PATJ: variants seen among roughly 807,000 people sequenced by gnomAD.
PATJ encodes PATJ crumbs cell polarity complex component.
PATJ carries 190 observed loss-of-function variants against 224.9 expected under a neutral mutation model. That is an observed-to-expected ratio of 0.84 (90% CI 0.75 to 0.95). The LOEUF is 0.95. Among genes scored for constraint, PATJ ranks in the 40% least tolerant of loss-of-function variants. The pLI is 0.00. For synonymous variants in PATJ, 769 were observed against 820.3 expected (o/e 0.94, Z 1.07); for missense variants, 2,121 against 2,270.3 (o/e 0.93, Z 1.34).
chr1:62,113,027 GTA>G (rs1664039909), intron 34 of PATJ, among the ~76,000 whole-genome samples: 1 of 152,178 alleles, frequency 6.6e-6, no homozygotes, highest in African/African-American at 2.4e-5. Flanking sequence ...CAGAGAGTTA[GTA>G]TAAGGATTAA....
At chr1:62,074,265 A>G (rs1362125212) in intron 31 of PATJ, among the ~76,000 whole-genome samples, 4 of 151,732 alleles carry the variant, frequency 2.6e-5, no homozygotes, top group South Asian at 2.1e-4. Context: ...CTAAATGACA[A>G]GTTAATGGGT....
intron 9 of PATJ, 145 bp from the exon 10 acceptor site, chr1:61,795,322 C>A (rs1650846017): frequency 4.2e-6 from 2 of 479,302 alleles, no homozygotes; most frequent in Non-Finnish European, 7.5e-6. Flanking sequence ...TTGAAATAAT[C>A]CATCAATTTC....
intron 24 of PATJ, among the ~76,000 whole-genome samples, chr1:61,902,339 T>A (rs914147713): frequency 6.6e-6 from 1 of 151,964 alleles, no homozygotes; most frequent in African/African-American, 2.4e-5. Flanking sequence ...TGTAATCCCA[T>A]AATCTGCTTG....
At chr1:62,087,293 A>G (rs1389357693) in intron 33 of PATJ, among the ~76,000 whole-genome samples, 1 of 151,908 alleles carries the variant, frequency 6.6e-6, no homozygotes, top group Admixed American at 6.6e-5. Flanking sequence ...AAGTCCAGCC[A>G]TCCCTCTAAA....
chr1:61,948,321 A>G (rs984001741), intron 27 of PATJ, among the ~76,000 whole-genome samples: 5 of 152,216 alleles, frequency 3.3e-5, no homozygotes, highest in Non-Finnish European at 7.3e-5. Flanking sequence ...CCATCTGACA[A>G]AGGGCTAATA....
chr1:62,060,418 G>A (rs558895580), intron 31 of PATJ, among the ~76,000 whole-genome samples: 7 of 152,130 alleles, frequency 4.6e-5, no homozygotes, highest in African/African-American at 1.7e-4. Context: ...CCAGGCCAGA[G>A]TGTGGTGATG....
chr1:62,137,951 T>G (rs1029816917), intron 41 of PATJ, among the ~76,000 whole-genome samples: 8 of 152,004 alleles, frequency 5.3e-5, no homozygotes, highest in African/African-American at 1.9e-4. Context: ...GTTCACAGTC[T>G]CCTCTTCCTC....
chr1:61,823,008 A>T lies in PATJ; in HGVS notation c.1747A>T (p.Ile583Phe), dbSNP rs750053771. 8 of 1,613,958 alleles carry T rather than the reference A, an allele frequency of 5.0e-6. No individual in the cohort carries two copies. The East Asian group carries it at 1.8e-4, about 36-fold the overall frequency. ...GGATTCCTTTGATGGGCACCATTAT[A>T]TTTCTTCAATTGTTTCTGGTGGTCC... The part of the protein sequence containing the change: ...EVDSFDGHHY[I>F]SSIVSGGPVD... The change falls in exon 15 of 44, where the codon ATT becomes TTT. Residue 583 changes from isoleucine (I) to phenylalanine (F), a missense_variant. Coordinates refer to ENST00000642238, the MANE Select transcript of PATJ (RefSeq NM_001350145.3).
At chr1:62,020,849 A>G (rs6660262) in intron 29 of PATJ, among the ~76,000 whole-genome samples, 22,959 of 152,172 alleles carry the variant, frequency 0.15, 1,865 homozygotes, top group Middle Eastern at 0.24. Flanking sequence ...ATTTTGAGAC[A>G]GAGTCTTGCT....
At chr1:61,876,207 G>A (rs10889259) in intron 21 of PATJ, among the ~76,000 whole-genome samples, 149,924 of 152,248 alleles carry the variant, frequency 0.98, 73,859 homozygotes, top group East Asian at 1. Flanking sequence ...AATTGAAGGC[G>A]TCTCTGAGAT....
At chr1:61,758,390 C>G (rs910650963) in intron 1 of PATJ, among the ~76,000 whole-genome samples, 5 of 151,972 alleles carry the variant, frequency 3.3e-5, no homozygotes, top group Non-Finnish European at 7.4e-5. Flanking sequence ...CTCTTGTCAC[C>G]CAGGCTGGAG....
intron 43 of PATJ, among the ~76,000 whole-genome samples, chr1:62,154,527 G>A (rs1668965345): frequency 6.6e-6 from 1 of 151,884 alleles, no homozygotes; most frequent in South Asian, 2.1e-4. Flanking sequence ...CGGGCATGGT[G>A]GCACATGCCT....
intron 22 of PATJ, among the ~76,000 whole-genome samples, chr1:61,897,147 G>A (rs1159716523): frequency 1.3e-5 from 2 of 152,156 alleles, no homozygotes; most frequent in Non-Finnish European, 2.9e-5. Context: ...ATGAATATTG[G>A]TTGAGCCTCA....
intron 27 of PATJ, among the ~76,000 whole-genome samples, chr1:61,957,313 T>C (rs753691075): frequency 3.9e-5 from 6 of 152,190 alleles, no homozygotes; most frequent in Non-Finnish European, 7.3e-5. Flanking sequence ...GGCTGCATGG[T>C]ACAATGATAT....
intron 27 of PATJ, among the ~76,000 whole-genome samples, chr1:61,934,682 A>T (rs916959003): frequency 6.6e-6 from 1 of 152,148 alleles, no homozygotes; most frequent in Non-Finnish European, 1.5e-5. Context: ...ATTTTAATGT[A>T]CTTACTAGAT....
rs1344788669 is a variant in PATJ at position 62,100,444 on chromosome 1, C to T, written c.4378-7993C>T. The T allele has an allele frequency of 9.8e-6, 7 of 715,846 alleles. No individual in the cohort carries two copies. The South Asian group carries it at 1.0e-4, about 11-fold the overall frequency. The allele number at this position is 715,846 out of a possible 1,614,324, so 44.3% of individuals were successfully genotyped here. On this transcript the variant is annotated intron_variant, in intron 33 of 43. Coordinates refer to ENST00000642238, the MANE Select transcript of PATJ (RefSeq NM_001350145.3). ...GAGGCAGAGAGGGAGGGGGGCTGAA[C>T]TCTTTTTATTAGGAACTCACTCCCA...
intron 11 of PATJ, among the ~76,000 whole-genome samples, chr1:61,800,735 C>T (rs1010494498): frequency 2.6e-5 from 4 of 152,086 alleles, no homozygotes. Flanking sequence ...CCCCTTCTTC[C>T]CACCCCACAA....
chr1:62,010,353 T>G (rs1646369416), intron 28 of PATJ, among the ~76,000 whole-genome samples: 1 of 152,120 alleles, frequency 6.6e-6, no homozygotes, highest in Non-Finnish European at 1.5e-5. Context: ...GTAGCCACAT[T>G]TATTTAAGTG....
chr1:62,076,418 A>G (rs936835027), intron 31 of PATJ, among the ~76,000 whole-genome samples: 1 of 152,168 alleles, frequency 6.6e-6, no homozygotes, highest in Non-Finnish European at 1.5e-5. Flanking sequence ...CTCAGTTCTT[A>G]TAATACAGTA....
Sources: gnomAD v4.1 joint callset for allele counts (sites outside exome capture counted in the v4.1 genomes callset) on GRCh38, gnomAD v4.1.1 for gene constraint, MANE v1.5 for transcripts, NCBI Gene and HGNC (gene_info 2026-07-23, HGNC 2026-07-21) for gene names.